The following XIRP1 variants were observed in gnomAD, a reference collection of about 807,000 sequenced individuals.
XIRP1 encodes xin actin binding repeat containing 1, also known as xin actin-binding repeat-containing protein 1.
For missense variants in XIRP1, 2,378 were observed against 2,345.4 expected (o/e 1.01, Z -0.29); for synonymous variants, 984 against 947.0 (o/e 1.04, Z -0.72).
chr3:39,183,896 G>A lies in XIRP1; in HGVS notation c.*18C>T, dbSNP rs1161640147. The A allele has an allele frequency of 3.7e-6, 6 of 1,602,424 alleles. No homozygotes were observed. The highest frequency in any genetic ancestry group is 5.1e-6 in the Non-Finnish European group (6 of 1,176,610). ...GAGGCCAGGAACAGGTGGCAGGTGT[G>A]GTGGGAGGCGGTGGGCCTCACTGGG... is the stretch of plus-strand genomic sequence containing the variant. On this transcript the variant is annotated 3_prime_UTR_variant, in exon 2 of 2. Coordinates refer to ENST00000340369, the MANE Select transcript of XIRP1 (RefSeq NM_194293.4).
Position 39,187,996 on chromosome 3 carries a change from A to T in XIRP1, c.1450T>A (p.Tyr484Asn). ...CGGCCCTTGCTGTCCTGCATGGCAT[A>T]CACTGGGGACCCTATGCCCTGGGCC... Reference protein sequence around the residue: ...GQAQGIGSPVYAMQDSKGRLH... With the variant: ...GQAQGIGSPVNAMQDSKGRLH... Residue 484 changes from tyrosine (Y) to asparagine (N), a missense_variant, in exon 2 of 2, where the codon TAT becomes AAT. Coordinates refer to ENST00000340369, the MANE Select transcript of XIRP1 (RefSeq NM_194293.4). 1 of 1,614,214 alleles carries T rather than the reference A, an allele frequency of 6.2e-7. No homozygotes were observed. The highest frequency in any genetic ancestry group is 8.5e-7 in the Non-Finnish European group (1 of 1,180,040).
In XIRP1 at chr3:39,187,762, T is replaced by A. The variant is rs200825108; in HGVS notation, c.1684A>T (p.Ile562Phe). ...WLFETQPLEM[I>F]HQREQQERQK... ...CGTTCCTGCTGCTCCCGTTGGTGGA[T>A]CATCTCCAGGGGCTGGGTCTCAAAA... is the stretch of plus-strand genomic sequence containing the variant. The change falls in exon 2 of 2, where the codon ATC (isoleucine) becomes TTC (phenylalanine). Residue 562 changes from isoleucine (I) to phenylalanine (F), a missense_variant. Physicochemically the swap from Ile to Phe is conservative, Grantham distance 21. Coordinates refer to ENST00000340369, the MANE Select transcript of XIRP1 (RefSeq NM_194293.4). The A allele has an allele frequency of 1.0e-4, 161 of 1,614,114 alleles. No homozygotes were observed. The East Asian group carries it at 1.4e-3, about 14-fold the overall frequency.
chr3:39,188,639 G>C lies in XIRP1; in HGVS notation c.807C>G (p.Ala269=), dbSNP rs773761856. The C allele has an allele frequency of 3.1e-6, 5 of 1,613,392 alleles. No individual in the cohort carries two copies. The highest frequency in any genetic ancestry group is 4.2e-6 in the Non-Finnish European group (5 of 1,180,024). The change falls in exon 2 of 2, where the codon GCC becomes GCG. Residue 269 remains alanine (A), a synonymous_variant. Coordinates refer to ENST00000340369, the MANE Select transcript of XIRP1 (RefSeq NM_194293.4). ...EEIQSNAVRS[A]RWLFETRPLD... is the part of the protein sequence containing the mutation. Reference sequence around the variant, plus strand: ...GAGGCCGGGTCTCAAAGAGCCAGCGGGCAGACCTCACCGCGTTGCTTTGGA... The same window carrying C: ...GAGGCCGGGTCTCAAAGAGCCAGCGCGCAGACCTCACCGCGTTGCTTTGGA...
chr3:39,186,422 A>G lies in XIRP1; in HGVS notation c.3024T>C (p.Ala1008=). Residue 1008 remains alanine, a synonymous_variant, in exon 2 of 2, where the codon GCT becomes GCC. Coordinates refer to ENST00000340369, the MANE Select transcript of XIRP1 (RefSeq NM_194293.4). ...IGKAVPLAGE[A]AAPAQLQNTE... ...TGTTTTGCAATTGGGCTGGTGCTGC[A>G]GCTTCCCCAGCCAGAGGGACTGCCT... 1 of 1,614,136 alleles carries G rather than the reference A, an allele frequency of 6.2e-7. No individual in the cohort carries two copies. The highest frequency in any genetic ancestry group is 8.5e-7 in the Non-Finnish European group (1 of 1,180,018).
Position 39,185,882 on chromosome 3 carries a change from A to G in XIRP1, c.3564T>C (p.Ser1188=). 2 of 1,613,254 alleles carry G rather than the reference A, an allele frequency of 1.2e-6. No individual in the cohort carries two copies. Among genetic ancestry groups the G allele is most frequent in the Non-Finnish European group, 1.7e-6 (2 of 1,179,662 alleles). Residue 1188 remains serine (S), a synonymous_variant, in exon 2 of 2, where the codon AGT becomes AGC. Coordinates refer to ENST00000340369, the MANE Select transcript of XIRP1 (RefSeq NM_194293.4). The part of the protein sequence containing the change: ...PRPLQGGPGQ[S]TGPGREEPGG... Reference sequence around the variant, plus strand: ...CAGGCTCCTCCCGCCCTGGCCCAGTACTCTGACCTGGGCCTCCCTGGAGTG... The same window carrying G: ...CAGGCTCCTCCCGCCCTGGCCCAGTGCTCTGACCTGGGCCTCCCTGGAGTG...
intron 1 of XIRP1, 89 bp from the exon 2 acceptor site, chr3:39,189,614 T>A: frequency 9.5e-7 from 1 of 1,050,384 alleles, no homozygotes. Context: ...TCTATGTGCC[T>A]GGCCTGGGCT....
Position 39,186,089 on chromosome 3 carries a change from C to A in XIRP1, c.3357G>T (p.Lys1119Asn). 1 of 1,614,054 alleles carries A rather than the reference C, an allele frequency of 6.2e-7. No individual in the cohort carries two copies. The highest frequency in any genetic ancestry group is 1.3e-5 in the African/African-American group (1 of 75,062). Residue 1119 changes from lysine to asparagine, a missense_variant, in exon 2 of 2, where the codon AAG becomes AAT. Physicochemically the swap from Lys to Asn is moderately conservative, Grantham distance 94. Coordinates refer to ENST00000340369, the MANE Select transcript of XIRP1 (RefSeq NM_194293.4). ...SDPRIPAAPRKVSREEQALPR... is the reference protein window; with the variant it reads ...SDPRIPAAPRNVSREEQALPR... ...GTAGTGCTTGCTCTTCCCTACTGAC[C>A]TTTCTGGGGGCTGCTGGGATCCGGG...
In XIRP1 at chr3:39,185,176, C is replaced by T. The variant is rs2039941733; in HGVS notation, c.4270G>A (p.Glu1424Lys). The change falls in exon 2 of 2, where the codon GAG (glutamate) becomes AAG (lysine). Residue 1424 changes from glutamate (E) to lysine (K), a missense_variant. Glu to Lys is a moderately conservative substitution (Grantham distance 56). Transcript: ENST00000340369. ...QATGSNAQSS[E>K]PPKLNALNHD... ...TTGAGGGCATTGAGCTTGGGGGGCT[C>T]AGAGCTCTGGGCATTGCTGCCTGTA... The T allele has an allele frequency of 3.7e-6, 6 of 1,610,778 alleles. No homozygotes were observed. The highest frequency in any genetic ancestry group is 1.7e-5 in the Admixed American group (1 of 59,672).
Position 39,188,666 on chromosome 3 carries a change from C to T in XIRP1, c.780G>A (p.Glu260=), listed in dbSNP as rs763842224. 11 of 1,613,374 alleles carry T rather than the reference C, an allele frequency of 6.8e-6. No individual in the cohort carries two copies. Among genetic ancestry groups the T allele is most frequent in the Non-Finnish European group, 6.8e-6 (8 of 1,180,028 alleles). ...IHEVKAACRE[E]IQSNAVRSAR... Reference sequence around the variant, plus strand: ...CAGACCTCACCGCGTTGCTTTGGATCTCCTCCCGGCATGCGGCCTTGACCT... The same window carrying T: ...CAGACCTCACCGCGTTGCTTTGGATTTCCTCCCGGCATGCGGCCTTGACCT... The change falls in exon 2 of 2, where the codon GAG becomes GAA. Residue 260 remains glutamate (E), a synonymous_variant. Coordinates refer to ENST00000340369, the MANE Select transcript of XIRP1 (RefSeq NM_194293.4).
chr3:39,184,895 C>A lies in XIRP1; in HGVS notation c.4551G>T (p.Lys1517Asn). 1 of 1,594,142 alleles carries A rather than the reference C, an allele frequency of 6.3e-7. No individual in the cohort carries two copies. Among genetic ancestry groups the A allele is most frequent in the Non-Finnish European group, 8.6e-7 (1 of 1,168,062 alleles). The change falls in exon 2 of 2, where the codon AAG (lysine) becomes AAT (asparagine). Residue 1517 changes from lysine (K) to asparagine (N), a missense_variant. Transcript: ENST00000340369. The stretch of plus-strand genomic sequence containing the variant: ...AGGCCTGCTCCACTGAGGCCTCGGG[C>A]TTTTGGTGGGCAGCAGGAGCCTGAG... Reference protein sequence around the residue: ...AAPQAPAAHQKPEASVEQAFG... With the variant: ...AAPQAPAAHQNPEASVEQAFG...
At position 39,187,383 on chromosome 3, in the gene XIRP1, A is replaced by T; in HGVS notation, c.2063T>A (p.Ile688Asn). The T allele has an allele frequency of 8.1e-6, 13 of 1,613,994 alleles. No homozygotes were observed. The highest frequency in any genetic ancestry group is 1.1e-5 in the Non-Finnish European group (13 of 1,179,946). The change falls in exon 2 of 2, where the codon ATC (isoleucine) becomes AAC (asparagine). Residue 688 changes from isoleucine (I) to asparagine (N), a missense_variant. By Grantham distance (149) the Ile-to-Asn change is moderately radical. Coordinates refer to ENST00000340369, the MANE Select transcript of XIRP1 (RefSeq NM_194293.4). ...CTGACGAGACACCTGCCCTGAAGGG[A>T]TCTCCACGCGGCTGCAGTATCTCAC... ...RPVRYCSRVE[I>N]PSGQVSRQKE...
In XIRP1 at chr3:39,189,460, G is replaced by C. The variant is rs770367464; in HGVS notation, c.-15C>G. 1 of 1,567,156 alleles carries C rather than the reference G, an allele frequency of 6.4e-7. No individual in the cohort carries two copies. On this transcript the variant is annotated 5_prime_UTR_variant, in exon 2 of 2. Coordinates refer to ENST00000340369, the MANE Select transcript of XIRP1 (RefSeq NM_194293.4). ...GTGTCGGCCATCCTTCTGAGAAGAA[G>C]GGGCAGAGATGAGGATGGGATTGGG...
chr3:39,190,717 T>A (rs756627950), intron 1 of XIRP1, among the ~76,000 whole-genome samples: 37 of 152,192 alleles, frequency 2.4e-4, no homozygotes, highest in Middle Eastern at 3.4e-3. Flanking sequence ...CTTATCTCTC[T>A]TGTGACAGGT....
In XIRP1 at chr3:39,185,305, C is replaced by T. The variant is rs2039944502; in HGVS notation, c.4141G>A (p.Asp1381Asn). ...PQPAKVPTTV[D>N]QGHIPLARCP... ...CTGGCCAGAGGTATGTGGCCCTGGTCTACAGTAGTGGGAACCTTGGCTGGC... is the reference window on the plus strand; with the variant it reads ...CTGGCCAGAGGTATGTGGCCCTGGTTTACAGTAGTGGGAACCTTGGCTGGC... Residue 1381 changes from aspartate (D) to asparagine (N), a missense_variant, in exon 2 of 2, where the codon GAC (aspartate) becomes AAC (asparagine). Physicochemically the swap from Asp to Asn is conservative, Grantham distance 23. Transcript: ENST00000340369. 1.2e-6 allele frequency: 2 copies of T among 1,614,056 alleles called. No homozygotes were observed. The highest frequency in any genetic ancestry group is 2.2e-5 in the East Asian group (1 of 44,884).
chr3:39,187,841 C>T lies in XIRP1; in HGVS notation c.1605G>A (p.Arg535=), dbSNP rs377652359. 7.4e-6 allele frequency: 12 copies of T among 1,614,054 alleles called. No individual in the cohort carries two copies. Among genetic ancestry groups the T allele is most frequent in the Non-Finnish European group, 1.0e-5 (12 of 1,180,046 alleles). ...GRSPSTIDVV[R]GITRQEVVAG... ...CCACCACTTCCTGCCGGGTGATGCCCCGCACCACGTCGATGGTACTGGGGC... is the reference window on the plus strand; with the variant it reads ...CCACCACTTCCTGCCGGGTGATGCCTCGCACCACGTCGATGGTACTGGGGC... The change falls in exon 2 of 2, where the codon CGG becomes CGA. Residue 535 remains arginine (R), a synonymous_variant. Transcript: ENST00000340369.
At position 39,186,286 on chromosome 3, in the gene XIRP1, C is replaced by A; in HGVS notation, c.3160G>T (p.Ala1054Ser). The A allele has an allele frequency of 6.2e-7, 1 of 1,613,930 alleles. No individual in the cohort carries two copies. The highest frequency in any genetic ancestry group is 8.5e-7 in the Non-Finnish European group (1 of 1,179,954). Residue 1054 changes from alanine to serine, a missense_variant, in exon 2 of 2, where the codon GCC becomes TCC. Physicochemically the swap from Ala to Ser is moderately conservative, Grantham distance 99. Transcript: ENST00000340369. ...PGPGAPDLLA[A>S]MQSLRMATAE... The stretch of plus-strand genomic sequence containing the variant: ...GTTGCCATCCGCAGACTCTGCATGG[C>A]GGCCAGGAGGTCTGGGGCCCCAGGC...
At position 39,185,150 on chromosome 3, in the gene XIRP1, G is replaced by A. The variant is rs778776895; in HGVS notation, c.4296C>T (p.Asn1432=). The change falls in exon 2 of 2, where the codon AAC becomes AAT. Residue 1432 remains asparagine, a synonymous_variant. Transcript: ENST00000340369. ...CCCACTGTGGTGAGGTGGGATCATGGTTGAGGGCATTGAGCTTGGGGGGCT... is the reference window on the plus strand; with the variant it reads ...CCCACTGTGGTGAGGTGGGATCATGATTGAGGGCATTGAGCTTGGGGGGCT... The part of the protein sequence containing the change: ...SSEPPKLNAL[N]HDPTSPQWGP... 2 of 1,600,466 alleles carry A rather than the reference G, an allele frequency of 1.2e-6. No individual in the cohort carries two copies. Among genetic ancestry groups the A allele is most frequent in the Admixed American group, 1.7e-5 (1 of 58,508 alleles).
At position 39,187,493 on chromosome 3, in the gene XIRP1, G is replaced by A. The variant is rs202160993; in HGVS notation, c.1953C>T (p.Val651=). 9.9e-5 allele frequency: 160 copies of A among 1,613,998 alleles called. No homozygotes were observed. The Middle Eastern group carries it at 1.5e-3, about 15-fold the overall frequency. Residue 651 remains valine, a synonymous_variant, in exon 2 of 2, where the codon GTC becomes GTT. Coordinates refer to ENST00000340369, the MANE Select transcript of XIRP1 (RefSeq NM_194293.4). ...SREQHLQVSQ[V]PAGERQTDRH... ...TGTCTGTCTGTCTTTCCCCAGCCGG[G>A]ACCTGGCTAACCTGCAGGTGCTGCT...
Position 39,185,891 on chromosome 3 carries a change from T to C in XIRP1, c.3555A>G (p.Pro1185=), listed in dbSNP as rs756216477. The change falls in exon 2 of 2, where the codon CCA becomes CCG. Residue 1185 remains proline (P), a synonymous_variant. Transcript: ENST00000340369. ...VQAPRPLQGG[P]GQSTGPGREE... is the part of the protein sequence containing the mutation. The stretch of plus-strand genomic sequence containing the variant: ...CCCGCCCTGGCCCAGTACTCTGACC[T>C]GGGCCTCCCTGGAGTGGGCGGGGAG... The C allele has an allele frequency of 6.2e-7, 1 of 1,613,530 alleles. No homozygotes were observed. Among genetic ancestry groups the C allele is most frequent in the Non-Finnish European group, 8.5e-7 (1 of 1,179,716 alleles).
Sources: gnomAD v4.1 joint callset for allele counts (sites outside exome capture counted in the v4.1 genomes callset) on GRCh38, gnomAD v4.1.1 for gene constraint, MANE v1.5 for transcripts, NCBI Gene and HGNC (gene_info 2026-07-23, HGNC 2026-07-21) for gene names.